Variants in B3GALT1 observed in about 807,000 individuals in gnomAD.
B3GALT1 encodes the protein beta-1,3-galactosyltransferase 1, also known as UDP-Gal:betaGlcNAc beta 1,3-galactosyltransferase, polypeptide 1.
B3GALT1 carries 10 observed loss-of-function variants against 23.2 expected under a neutral mutation model. The observed-to-expected ratio is 0.43, with a 90% CI of 0.27 to 0.73. The LOEUF is 0.73. Ranked by LOEUF, B3GALT1 falls within the 30% of genes least tolerant of loss-of-function variation. B3GALT1 has a pLI of 0.21. For synonymous variants in B3GALT1, 156 were observed against 141.5 expected (o/e 1.10, Z -0.73); for missense variants, 299 against 405.4 (o/e 0.74, Z 2.25).
chr2:167,412,758 A>AC (rs1308785837), intron 1 of B3GALT1, among the ~76,000 whole-genome samples: 2 of 152,136 alleles, frequency 1.3e-5, no homozygotes, highest in African/African-American at 4.8e-5. Context: ...ATAAATGTGT[A>AC]CATCTCTTCA....
intron 2 of B3GALT1, among the ~76,000 whole-genome samples, chr2:167,615,686 G>C (rs567171879): frequency 9.2e-5 from 14 of 151,994 alleles, no homozygotes; most frequent in Admixed American, 9.2e-4. Context: ...ACAATGTTAA[G>C]ATTTAGGACA....
intron 2 of B3GALT1, among the ~76,000 whole-genome samples, chr2:167,584,993 G>A (rs1684563164): frequency 6.6e-6 from 1 of 152,082 alleles, no homozygotes; most frequent in African/African-American, 2.4e-5. Flanking sequence ...TCATCCCCAG[G>A]GGAGGGTGCT....
At chr2:167,774,938 C>CAGAGCAATA (rs1558974992) in intron 3 of B3GALT1, among the ~76,000 whole-genome samples, 1 of 152,184 alleles carries the variant, frequency 6.6e-6, no homozygotes, top group Admixed American at 6.5e-5. Flanking sequence ...ATTTGCCTAT[C>CAGAGCAATA]AGAGCAGAAG....
At chr2:167,838,685 GCAT>G (rs1689552558) in intron 4 of B3GALT1, among the ~76,000 whole-genome samples, 1 of 152,282 alleles carries the variant, frequency 6.6e-6, no homozygotes, top group African/African-American at 2.4e-5. Context: ...TATGAGGCCA[GCAT>G]CATCCTGATA....
At chr2:167,825,696 G>A (rs1454416731) in intron 4 of B3GALT1, among the ~76,000 whole-genome samples, 2 of 151,950 alleles carry the variant, frequency 1.3e-5, no homozygotes, top group African/African-American at 2.4e-5. Context: ...CACCACTCTT[G>A]ACTCCAGCTC....
chr2:167,866,386 T>TTA (rs1474073585), intron 4 of B3GALT1, among the ~76,000 whole-genome samples: 18 of 152,232 alleles, frequency 1.2e-4, no homozygotes, highest in Non-Finnish European at 4.4e-5. Flanking sequence ...TTGAAACCTT[T>TTA]CCTCCTAGTC....
chr2:167,788,615 G>A (rs978664116), intron 3 of B3GALT1, among the ~76,000 whole-genome samples: 3 of 152,048 alleles, frequency 2.0e-5, no homozygotes, highest in Non-Finnish European at 4.4e-5. Flanking sequence ...CGAGCGATGA[G>A]GAGCAGCTGT....
intron 2 of B3GALT1, among the ~76,000 whole-genome samples, chr2:167,563,238 G>GC (rs953954041): frequency 4.5e-5 from 6 of 133,858 alleles, no homozygotes; most frequent in South Asian, 4.7e-4. Context: ...GGGCAGAGGC[G>GC]CCCCCCACCT....
chr2:167,688,576 G>A (rs1034858352), intron 3 of B3GALT1, among the ~76,000 whole-genome samples: 2 of 152,010 alleles, frequency 1.3e-5, no homozygotes, highest in South Asian at 2.1e-4. Context: ...TCAGTTAAAG[G>A]TGGAGCAATA....
chr2:167,868,873 G>T lies in B3GALT1; in HGVS notation c.-167G>T, dbSNP rs1690285285. The T allele has an allele frequency of 1.4e-6, 1 of 718,564 alleles. No individual in the cohort carries two copies. 44.5% of individuals were successfully genotyped at this position (718,564 alleles called of 1,614,324 possible). A position where few individuals can be genotyped will look rare whatever the true frequency, so the allele number is the denominator to read the frequency against. ...TCAGATTTGGAAGAAAGTAGAATGA[G>T]CGCAGAGGTGACAGACAGCCACTGA... On this transcript the variant is annotated 5_prime_UTR_variant, in exon 5 of 5. Transcript: ENST00000392690.
At chr2:167,694,022 T>C (rs1375319) in intron 3 of B3GALT1, among the ~76,000 whole-genome samples, 151,729 of 152,194 alleles carry the variant, frequency 1, 75,634 homozygotes, top group Middle Eastern at 1. Context: ...TCAAAGATGG[T>C]CTCACTCACA....
intron 3 of B3GALT1, among the ~76,000 whole-genome samples, chr2:167,778,366 C>G (rs1403563824): frequency 1.3e-5 from 2 of 152,038 alleles, no homozygotes; most frequent in South Asian, 4.2e-4. Context: ...CCACCCTATA[C>G]CTTTTGTCTT....
intron 4 of B3GALT1, among the ~76,000 whole-genome samples, chr2:167,828,814 T>A (rs1040458860): frequency 5.3e-5 from 8 of 152,176 alleles, no homozygotes; most frequent in Non-Finnish European, 7.4e-5. Flanking sequence ...AACGGGCCTA[T>A]AGAGGTTGCA....
At chr2:167,661,807 G>A (rs916892198) in intron 3 of B3GALT1, among the ~76,000 whole-genome samples, 2 of 151,942 alleles carry the variant, frequency 1.3e-5, no homozygotes, top group African/African-American at 2.4e-5. Context: ...AATTAGTCAG[G>A]GGTTATAGAA....
At chr2:167,640,222 G>A (rs1685626102) in intron 2 of B3GALT1, among the ~76,000 whole-genome samples, 1 of 151,956 alleles carries the variant, frequency 6.6e-6, no homozygotes. Context: ...TTCTATGAAT[G>A]CTGCCTAAGG....
intron 3 of B3GALT1, among the ~76,000 whole-genome samples, chr2:167,779,402 G>A (rs901765379): frequency 6.6e-6 from 1 of 152,142 alleles, no homozygotes; most frequent in Non-Finnish European, 1.5e-5. Context: ...ATATTTTAAG[G>A]CCGACAGATT....
At chr2:167,786,566 G>A (rs553201123) in intron 3 of B3GALT1, among the ~76,000 whole-genome samples, 5 of 152,174 alleles carry the variant, frequency 3.3e-5, no homozygotes, top group South Asian at 2.1e-4. Flanking sequence ...ACATAGTTAC[G>A]AGACAGGCTG....
Position 167,836,136 on chromosome 2 carries a change from A to G in B3GALT1, c.-230+17343A>G, listed in dbSNP as rs1254725675. ...AAAGCAGAGCACTTCTCCTCCTCCA[A>G]AGTATCGCAGTTCCTCACCTTCAAT... On this transcript the variant is annotated intron_variant, in intron 4 of 4. Transcript: ENST00000392690. Among the ~76,000 whole-genome samples the G allele has an allele frequency of 2.0e-5, 3 of 152,224 alleles. No homozygotes were observed. The East Asian group carries it at 5.8e-4, about 29-fold the overall frequency.
At chr2:167,713,810 A>T (rs1338408014) in intron 3 of B3GALT1, 1 of 1,592,786 alleles carries the variant, frequency 6.3e-7, no homozygotes, top group Non-Finnish European at 8.6e-7. Flanking sequence ...CTGTGGATAG[A>T]TGTTTCTCAT....
Sources: gnomAD v4.1 joint callset for allele counts (sites outside exome capture counted in the v4.1 genomes callset) on GRCh38, gnomAD v4.1.1 for gene constraint, MANE v1.5 for transcripts, NCBI Gene and HGNC (gene_info 2026-07-23, HGNC 2026-07-21) for gene names.